IGSF10: variants seen among roughly 807,000 people sequenced by gnomAD.
The protein encoded by IGSF10 is calvaria mechanical force protein 608.
IGSF10 carries 126 observed loss-of-function variants against 128.2 expected under a neutral mutation model. The ratio of observed to expected loss-of-function variants is 0.98; its 90% CI spans 0.85 to 1.14. The LOEUF is 1.14. IGSF10 is among the 50% of genes most tolerant of loss of function. The pLI is 0.00. For synonymous variants in IGSF10, 1,185 were observed against 1,146.2 expected, an observed-to-expected ratio of 1.03 and a Z score of -0.68; for missense variants, 3,295 against 3,149.8, an observed-to-expected ratio of 1.05 and a Z score of -1.10.
chr3:151,563,449 G>C, the IGSF10 span, among the ~76,000 whole-genome samples: 1 of 152,136 alleles, frequency 6.6e-6, no homozygotes, highest in Non-Finnish European at 1.5e-5. Flanking sequence ...TAGGGAGAGA[G>C]TTCAGTTTTC....
In IGSF10 at chr3:151,458,596, A is replaced by G; in HGVS notation, c.114T>C (p.Pro38=). ...ACPRRCACYM[P]TEVHCTFRYL... ...ACCGAAATGTGCAGTGTACCTCCGTAGGCATATAACAGGCACAGCGGCGAG... is the reference window on the plus strand; with the variant it reads ...ACCGAAATGTGCAGTGTACCTCCGTGGGCATATAACAGGCACAGCGGCGAG... The change falls in exon 3 of 8, where the codon CCT becomes CCC. Residue 38 remains proline, a synonymous_variant. Coordinates refer to ENST00000282466, the MANE Select transcript of IGSF10 (RefSeq NM_178822.5). 4.3e-6 allele frequency: 7 copies of G among 1,614,204 alleles called. No individual in the cohort carries two copies. The highest frequency in any genetic ancestry group is 3.4e-6 in the Non-Finnish European group (4 of 1,180,014).
At chr3:151,606,652 G>T in the IGSF10 span, among the ~76,000 whole-genome samples, 2 of 152,168 alleles carry the variant, frequency 1.3e-5, no homozygotes, top group African/African-American at 4.8e-5. Context: ...AGGAGCAGGG[G>T]TGCCAGTCAT....
the IGSF10 span, among the ~76,000 whole-genome samples, chr3:151,468,156 T>G: frequency 6.6e-6 from 1 of 152,198 alleles, no homozygotes; most frequent in Non-Finnish European, 1.5e-5. Flanking sequence ...GTCCTGAACT[T>G]AGAAGTTTAA....
At chr3:151,505,257 AAC>A in the IGSF10 span, among the ~76,000 whole-genome samples, 1 of 152,296 alleles carries the variant, frequency 6.6e-6, no homozygotes, top group Middle Eastern at 3.4e-3. Context: ...AAAGGAAGCA[AAC>A]ATGTCCTCCT....
At chr3:151,467,881 CAAAA>C in the IGSF10 span, among the ~76,000 whole-genome samples, 1 of 113,308 alleles carries the variant, frequency 8.8e-6, no homozygotes, top group African/African-American at 3.5e-5. Context: ...GACTCCATCT[CAAAA>C]AAAAAAAGAA....
chr3:151,442,924 C>T, intron 7 of IGSF10, 60 bp downstream of exon 7: 2 of 1,461,634 alleles, frequency 1.4e-6, no homozygotes, highest in Non-Finnish European at 1.8e-6. Flanking sequence ...TTTTCCATTT[C>T]AGAAGTTGTA....
chr3:151,470,746 A>AAGCAGCAGCAGC, the IGSF10 span, among the ~76,000 whole-genome samples: 1 of 151,656 alleles, frequency 6.6e-6, no homozygotes, highest in African/African-American at 2.4e-5. Flanking sequence ...AATTGACTAA[A>AAGCAGCAGCAGC]AGCAGCAGCA....
chr3:151,463,999 T>C (rs1197425484), upstream of IGSF10, among the ~76,000 whole-genome samples: 5 of 152,206 alleles, frequency 3.3e-5, no homozygotes, highest in South Asian at 4.1e-4. Flanking sequence ...CCTTTGAACA[T>C]GGCCTCATTT....
chr3:151,497,801 A>C, the IGSF10 span, among the ~76,000 whole-genome samples: 1 of 152,092 alleles, frequency 6.6e-6, no homozygotes, highest in Non-Finnish European at 1.5e-5. Flanking sequence ...GACTCTTCCT[A>C]TCCATGAGCA....
intron 7 of IGSF10, 52 bp downstream of exon 7, chr3:151,442,932 G>T: frequency 6.7e-7 from 1 of 1,497,054 alleles, no homozygotes; most frequent in South Asian, 1.3e-5. Context: ...TTCAGAAGTT[G>T]TACAGCTAAA....
the IGSF10 span, among the ~76,000 whole-genome samples, chr3:151,553,520 C>A: frequency 1.3e-5 from 2 of 151,930 alleles, no homozygotes; most frequent in African/African-American, 4.8e-5. Context: ...TCAGTTATGA[C>A]AAATCACTAT....
At chr3:151,467,249 C>A in the IGSF10 span, among the ~76,000 whole-genome samples, 1 of 152,122 alleles carries the variant, frequency 6.6e-6, no homozygotes, top group Non-Finnish European at 1.5e-5. Context: ...CCCTTTCACC[C>A]TGAAGATGAT....
the IGSF10 span, among the ~76,000 whole-genome samples, chr3:151,499,134 A>C: frequency 2.6e-5 from 4 of 152,158 alleles, no homozygotes; most frequent in Non-Finnish European, 4.4e-5. Context: ...GAAAGCATAC[A>C]ATTCCTTTGG....
chr3:151,475,601 C>A, the IGSF10 span, among the ~76,000 whole-genome samples: 7 of 152,184 alleles, frequency 4.6e-5, no homozygotes, highest in African/African-American at 1.7e-4. Context: ...CAACTTGTAA[C>A]CAGTCCAGCT....
At chr3:151,490,331 T>C in the IGSF10 span, among the ~76,000 whole-genome samples, 128,422 of 152,124 alleles carry the variant, frequency 0.84, 54,513 homozygotes, top group Middle Eastern at 0.94. Flanking sequence ...GAGGACAGAG[T>C]GATTGTAAAT....
the IGSF10 span, among the ~76,000 whole-genome samples, chr3:151,513,094 A>C: frequency 6.6e-6 from 1 of 152,142 alleles, no homozygotes; most frequent in Admixed American, 6.6e-5. Context: ...AAAAGAGGGA[A>C]TCCTCCCTAA....
At chr3:151,537,279 G>T in the IGSF10 span, among the ~76,000 whole-genome samples, 3 of 152,184 alleles carry the variant, frequency 2.0e-5, no homozygotes, top group Non-Finnish European at 4.4e-5. Flanking sequence ...AGGTAGTAAA[G>T]AATCAGCTTG....
At chr3:151,579,273 T>C in the IGSF10 span, among the ~76,000 whole-genome samples, 1 of 152,204 alleles carries the variant, frequency 6.6e-6, no homozygotes, top group South Asian at 2.1e-4. Context: ...AAATACTATA[T>C]ACCTCAGTAT....
the IGSF10 span, among the ~76,000 whole-genome samples, chr3:151,514,508 A>C: frequency 6.6e-6 from 1 of 152,214 alleles, no homozygotes; most frequent in East Asian, 1.9e-4. Flanking sequence ...TAAAACCATA[A>C]AAACCCTAGA....
Sources: allele counts gnomAD v4.1 joint callset (sites outside exome capture counted in the v4.1 genomes callset), GRCh38; gene constraint gnomAD v4.1.1; transcripts MANE v1.5; gene names NCBI Gene and HGNC (gene_info 2026-07-23, HGNC 2026-07-21).